The following UBA1 variants were observed in gnomAD, a reference collection of about 807,000 sequenced individuals.
The protein encoded by UBA1 is ubiquitin like modifier activating enzyme 1.
Under a neutral mutation model 84.7 loss-of-function variants are expected in UBA1, and 4 were observed. The ratio of observed to expected loss-of-function variants is 0.05; its 90% CI spans 0.02 to 0.11. UBA1 has a LOEUF of 0.11. UBA1 is among the 10% of genes least tolerant of loss of function. UBA1 has a pLI of 1.00. For missense variants in UBA1, 513 were observed against 902.8 expected (o/e 0.57, Z 5.53); for synonymous variants, 364 against 362.6 (o/e 1.00, Z -0.04).
Position 47,204,141 on chromosome X carries a change from T to G in UBA1, c.1575+445T>G, listed in dbSNP as rs1380882568. On this transcript the variant is annotated intron_variant, in intron 14 of 25. Coordinates refer to ENST00000335972, the MANE Select transcript of UBA1 (RefSeq NM_003334.4). Reference sequence around the variant, plus strand: ...GGCCTTTCTTTCCCTCAGCTTCTGTTTTTTTTTTTTTTTTTTTTTTTTTTT... The same window carrying G: ...GGCCTTTCTTTCCCTCAGCTTCTGTGTTTTTTTTTTTTTTTTTTTTTTTTT... Among the ~76,000 whole-genome samples, 15 of 23,490 alleles carry G rather than the reference T, an allele frequency of 6.4e-4. 1 individual carries two copies. In the East Asian group the frequency reaches 0.017, roughly 27 times the overall value. 20.4% of individuals were successfully genotyped at this position (23,490 alleles called of 115,157 possible).
intron 16 of UBA1, chrX:47,209,336 T>C: frequency 2.3e-6 from 1 of 439,019 alleles, no homozygotes. Flanking sequence ...GTATTTTTAG[T>C]AGAGATGGGG....
chrX:47,210,969 G>C (rs1437988051), intron 19 of UBA1, 53 bp downstream of exon 19: 1 of 1,206,285 alleles, frequency 8.3e-7, no homozygotes, highest in Admixed American at 2.2e-5. Flanking sequence ...GAATAGGTGG[G>C]AAGGAGGTGG....
Position 47,214,728 on chromosome X carries a change from C to T in UBA1, c.3042-66C>T, listed in dbSNP as rs1556794684. ...GTCCCACTCCAGTTCACTGCCCCTA[C>T]CTACCTGCCCATCCTCTCTTGCTTT... On this transcript the variant is annotated intron_variant, in intron 25 of 25. Transcript: ENST00000335972. 6 of 1,199,958 alleles carry T rather than the reference C, an allele frequency of 5.0e-6. No individual in the cohort carries two copies. The East Asian group carries it at 1.8e-4, about 36-fold the overall frequency.
At chrX:47,207,245 G>A (rs1168050183) in intron 16 of UBA1, among the ~76,000 whole-genome samples, 1 of 111,700 alleles carries the variant, frequency 9.0e-6, no homozygotes, top group Non-Finnish European at 1.9e-5. Flanking sequence ...CTGTGTGTAT[G>A]GTGCATTTAT....
At chrX:47,200,174 G>A (rs1936352164) in intron 5 of UBA1, among the ~76,000 whole-genome samples, 1 of 112,139 alleles carries the variant, frequency 8.9e-6, no homozygotes, top group Admixed American at 9.4e-5. Context: ...CTGCCTTGCT[G>A]CAGGCCTCCA....
At chrX:47,212,699 G>A in intron 21 of UBA1, 72 bp from the exon 22 acceptor site, 1 of 984,386 alleles carries the variant, frequency 1.0e-6, no homozygotes, top group Non-Finnish European at 1.4e-6. Flanking sequence ...GCAGGCAATT[G>A]CAGTGGAGGA....
chrX:47,210,719 G>T lies in UBA1; in HGVS notation c.2200-123G>T, dbSNP rs7064703. 2.6e-3 allele frequency: 1,760 copies of T among 677,683 alleles called. 23 individuals are homozygous for T. In the African/African-American group the frequency reaches 0.034, roughly 13 times the overall value. The allele number at this position is 677,683 out of a possible 1,213,427, so 55.8% of individuals were successfully genotyped here. A position where few individuals can be genotyped will look rare whatever the true frequency, so the allele number is the denominator to read the frequency against. ...GGTATTTTGTGATTGGCTCCAGTCC[G>T]CATCGAGTGCCCAACCCAAGATAGT... On this transcript the variant is annotated intron_variant, in intron 18 of 25. Transcript: ENST00000335972.
intron 1 of UBA1, chrX:47,197,185 TTAGC>T (rs1936234796): frequency 1.2e-5 from 9 of 753,886 alleles, no homozygotes; most frequent in Non-Finnish European, 1.4e-5. Context: ...CTCCCATTCC[TTAGC>T]CCTGTGGACT....
upstream of UBA1, chrX:47,191,453 C>T (rs983465179): frequency 9.9e-5 from 11 of 111,210 alleles, no homozygotes; most frequent in African/African-American, 3.6e-4. Flanking sequence ...GTCGGGGGCC[C>T]AGATGTTTCT....
At chrX:47,203,837 C>T (rs1936525814) in intron 14 of UBA1, 141 bp downstream of exon 14, 2 of 666,702 alleles carry the variant, frequency 3.0e-6, no homozygotes, top group Admixed American at 3.7e-5. Flanking sequence ...CAACCTCTGC[C>T]TCCTGGGTTC....
At chrX:47,200,751 G>T (rs1556787495) in intron 5 of UBA1, 143 bp from the exon 6 acceptor site, 1 of 491,213 alleles carries the variant, frequency 2.0e-6, no homozygotes, top group African/African-American at 2.3e-5. Context: ...CTGATACACA[G>T]TAGGTGCTAT....
At chrX:47,213,534 T>G (rs1291578892) in intron 23 of UBA1, among the ~76,000 whole-genome samples, 1 of 112,047 alleles carries the variant, frequency 8.9e-6, no homozygotes, top group Admixed American at 9.4e-5. Flanking sequence ...TCAAGTAGAT[T>G]ATATAAATAA....
In UBA1 at chrX:47,214,357, C is replaced by T. The variant is rs781997101; in HGVS notation, c.2869C>T (p.Arg957Cys). 18 of 1,210,883 alleles carry T rather than the reference C, an allele frequency of 1.5e-5. No individual in the cohort carries two copies. Among genetic ancestry groups the T allele is most frequent in the Non-Finnish European group, 1.6e-5 (14 of 895,190 alleles). ...YYNQEWTLWD[R>C]FEVQGLQPNG... is the part of the protein sequence containing the mutation. ...TAACCAAGAGTGGACATTGTGGGAT[C>T]GCTTTGAGGTACAAGGGCTGCAGCC... is the stretch of plus-strand genomic sequence containing the variant. Residue 957 changes from arginine (R) to cysteine (C), a missense_variant, in exon 24 of 26, where the codon CGC becomes TGC. Coordinates refer to ENST00000335972, the MANE Select transcript of UBA1 (RefSeq NM_003334.4).
At chrX:47,192,247 T>C (rs1169035205), upstream of UBA1, among the ~76,000 whole-genome samples, 1 of 110,918 alleles carries the variant, frequency 9.0e-6, no homozygotes, top group Admixed American at 9.6e-5. Flanking sequence ...GATGCCATAA[T>C]GTCTCCCCTC....
At chrX:47,206,169 G>A in intron 15 of UBA1, 56 bp downstream of exon 15, 1 of 1,179,136 alleles carries the variant, frequency 8.5e-7, no homozygotes, top group Non-Finnish European at 1.1e-6. Flanking sequence ...GTTTCGGTGT[G>A]TATATACCAA....
intron 1 of UBA1, among the ~76,000 whole-genome samples, chrX:47,196,154 A>T (rs1936200071): frequency 9.0e-6 from 1 of 110,810 alleles, no homozygotes; most frequent in African/African-American, 3.3e-5. Context: ...TTTTCCAGAG[A>T]TCCGAATTTG....
At chrX:47,201,769 A>G (rs1936426436) in intron 8 of UBA1, among the ~76,000 whole-genome samples, 159 bp downstream of exon 8, 1 of 111,840 alleles carries the variant, frequency 8.9e-6, no homozygotes, top group African/African-American at 3.3e-5. Flanking sequence ...GGGGTCCAAT[A>G]AGAGCTGGTG....
chrX:47,203,347 A>G (rs1853245293), intron 13 of UBA1, 133 bp downstream of exon 13: 3 of 848,262 alleles, frequency 3.5e-6, no homozygotes, highest in South Asian at 2.1e-5. Context: ...AGGGAAGCCC[A>G]GTGCATCCCT....
chrX:47,195,108 G>A (rs2147240589), intron 1 of UBA1, among the ~76,000 whole-genome samples: 1 of 111,492 alleles, frequency 9.0e-6, no homozygotes, highest in African/African-American at 3.3e-5. Flanking sequence ...CCTCACATCA[G>A]GCCTCAGAAT....
Sources: gnomAD v4.1 joint callset for allele counts (sites outside exome capture counted in the v4.1 genomes callset) on GRCh38, gnomAD v4.1.1 for gene constraint, MANE v1.5 for transcripts, NCBI Gene and HGNC (gene_info 2026-07-23, HGNC 2026-07-21) for gene names.